Variants in DYNC1LI1 observed in about 807,000 individuals in gnomAD.
DYNC1LI1 encodes the protein dynein cytoplasmic 1 light intermediate chain 1, also known as cytoplasmic dynein 1 light intermediate chain 1.
DYNC1LI1 carries 19 observed loss-of-function variants against 63.8 expected under a neutral mutation model. The ratio of observed to expected loss-of-function variants is 0.30; its 90% CI spans 0.21 to 0.44. The LOEUF (loss-of-function observed/expected upper bound fraction) is 0.44. Among genes scored for constraint, DYNC1LI1 ranks in the 20% least tolerant of loss-of-function variants. The pLI, the probability that DYNC1LI1 is intolerant of heterozygous loss-of-function variation, is 1.00. For missense variants in DYNC1LI1, 565 were observed against 630.2 expected (o/e 0.90, Z 1.11); for synonymous variants, 225 against 232.3 (o/e 0.97, Z 0.28).
chr3:32,556,548 TTC>T (rs1331024751), intron 2 of DYNC1LI1, among the ~76,000 whole-genome samples: 14 of 152,252 alleles, frequency 9.2e-5, no homozygotes, highest in East Asian at 5.8e-4. Flanking sequence ...TCCTTCTTGT[TTC>T]TCTGTTTTGT....
chr3:32,570,534 C>T, intron 1 of DYNC1LI1, 91 bp downstream of exon 1: 1 of 1,494,200 alleles, frequency 6.7e-7, no homozygotes. Context: ...TGGCCGGGCC[C>T]GGCGCCGAGC....
intron 2 of DYNC1LI1, among the ~76,000 whole-genome samples, chr3:32,565,042 T>C (rs913779231): frequency 3.3e-5 from 5 of 152,214 alleles, no homozygotes; most frequent in African/African-American, 9.6e-5. Context: ...GTGGGACTTT[T>C]GGCTGCATAT....
At chr3:32,569,399 C>T (rs1162821445) in intron 2 of DYNC1LI1, among the ~76,000 whole-genome samples, 1 of 152,138 alleles carries the variant, frequency 6.6e-6, no homozygotes, top group East Asian at 1.9e-4. Context: ...AACCACGCAG[C>T]CTATCAAGTA....
chr3:32,538,019 A>T (rs1290532466), intron 5 of DYNC1LI1, among the ~76,000 whole-genome samples: 1 of 27,130 alleles, frequency 3.7e-5, no homozygotes, highest in Non-Finnish European at 5.3e-5. Flanking sequence ...ATATATATAT[A>T]TAATTTATAT....
At chr3:32,530,376 A>G in intron 9 of DYNC1LI1, 48 bp from the exon 10 acceptor site, 1 of 1,603,940 alleles carries the variant, frequency 6.2e-7, no homozygotes, top group Non-Finnish European at 8.5e-7. Flanking sequence ...TTCATAGCAT[A>G]TACTGGTGTA....
intron 2 of DYNC1LI1, among the ~76,000 whole-genome samples, chr3:32,557,107 T>A (rs1371190427): frequency 1.3e-5 from 2 of 152,196 alleles, no homozygotes; most frequent in Non-Finnish European, 2.9e-5. Flanking sequence ...CTGGACAGTG[T>A]TTGAAGATAC....
At chr3:32,549,200 T>C (rs904436426) in intron 2 of DYNC1LI1, among the ~76,000 whole-genome samples, 3 of 151,898 alleles carry the variant, frequency 2.0e-5, no homozygotes, top group African/African-American at 7.3e-5. Flanking sequence ...TAAATCAGTA[T>C]AGTTTCTACG....
chr3:32,569,982 A>G (rs985742449), intron 2 of DYNC1LI1, among the ~76,000 whole-genome samples: 1 of 152,224 alleles, frequency 6.6e-6, no homozygotes, highest in Non-Finnish European at 1.5e-5. Flanking sequence ...AGCTCTCGCA[A>G]AGAGCCTCCT....
chr3:32,533,335 T>C (rs1697727094), intron 7 of DYNC1LI1, among the ~76,000 whole-genome samples: 2 of 152,256 alleles, frequency 1.3e-5, no homozygotes, highest in South Asian at 4.1e-4. Context: ...TAGCTGGGCA[T>C]GCATGGTGGC....
At chr3:32,532,509 A>AT in intron 8 of DYNC1LI1, 2 of 149,086 alleles carry the variant, frequency 1.3e-5, no homozygotes, top group Admixed American at 1.3e-4. Flanking sequence ...ATATATATAA[A>AT]ATTGAAAGTT....
chr3:32,564,329 ACAAG>A (rs1385408674), intron 2 of DYNC1LI1, among the ~76,000 whole-genome samples: 15 of 152,154 alleles, frequency 9.9e-5, no homozygotes, highest in Admixed American at 4.6e-4. Context: ...AAACAAACAA[ACAAG>A]CAAACAAACA....
At chr3:32,551,265 A>T (rs1698034758) in intron 2 of DYNC1LI1, among the ~76,000 whole-genome samples, 1 of 152,210 alleles carries the variant, frequency 6.6e-6, no homozygotes, top group Admixed American at 6.5e-5. Flanking sequence ...GCTTTAGTCA[A>T]ATCTTGTACA....
intron 2 of DYNC1LI1, among the ~76,000 whole-genome samples, chr3:32,559,711 C>G (rs1698164547): frequency 6.6e-6 from 1 of 152,188 alleles, no homozygotes; most frequent in Admixed American, 6.5e-5. Context: ...TCCCCAGCAT[C>G]AGGAACATCA....
chr3:32,558,521 T>C (rs966834067), intron 2 of DYNC1LI1, among the ~76,000 whole-genome samples: 2 of 150,180 alleles, frequency 1.3e-5, no homozygotes, highest in African/African-American at 4.9e-5. Flanking sequence ...AACTCAACAA[T>C]AGAATGTAAT....
In DYNC1LI1 at chr3:32,545,802, G is replaced by A. The variant is rs769193982; in HGVS notation, c.337+47C>T. 4 of 1,280,090 alleles carry A rather than the reference G, an allele frequency of 3.1e-6. No homozygotes were observed. The South Asian group carries it at 4.8e-5, about 15-fold the overall frequency. 79.3% of individuals were successfully genotyped at this position (1,280,090 alleles called of 1,614,324 possible). On this transcript the variant is annotated intron_variant, in intron 3 of 12. Transcript: ENST00000273130. ...ATCAAAGACTAATGTGAATGGCAGT[G>A]CACCTCAAAATAGACTTCAGAAATT...
intron 6 of DYNC1LI1, among the ~76,000 whole-genome samples, chr3:32,536,425 A>T (rs571557673): frequency 1.3e-5 from 2 of 152,238 alleles, no homozygotes; most frequent in East Asian, 3.9e-4. Context: ...TTTTCTCCCT[A>T]TTTTAGCTGT....
chr3:32,538,180 T>C (rs1434500763), intron 5 of DYNC1LI1, among the ~76,000 whole-genome samples: 1 of 133,180 alleles, frequency 7.5e-6, no homozygotes, highest in East Asian at 2.1e-4. Flanking sequence ...GGCAGGAGGA[T>C]TGAGCCTAGG....
chr3:32,533,043 T>G lies in DYNC1LI1; in HGVS notation c.1023A>C (p.Gln341His), dbSNP rs1389056443. The G allele has an allele frequency of 6.2e-7, 1 of 1,604,886 alleles. No homozygotes were observed. The highest frequency in any genetic ancestry group is 8.5e-7 in the Non-Finnish European group (1 of 1,178,126). Residue 341 changes from glutamine (Q) to histidine (H), a missense_variant, in exon 8 of 13, where the codon CAA (glutamine) becomes CAC (histidine). Gln to His is a conservative substitution (Grantham distance 24, BLOSUM62 0). Transcript: ENST00000273130. ...KKIGILHENF[Q>H]TLKAEDNFED... The stretch of plus-strand genomic sequence containing the variant: ...CAAAATTATCTTCTGCTTTTAATGT[T>G]TGAAAATTTTCATGTAATATTCCTA...
intron 8 of DYNC1LI1, chr3:32,531,364 T>A (rs1229517247): frequency 2.6e-5 from 4 of 152,436 alleles, no homozygotes; most frequent in Non-Finnish European, 4.4e-5. Flanking sequence ...GCCTTCAGCA[T>A]TCTCCCCCCT....
Sources: gnomAD v4.1 joint callset for allele counts (sites outside exome capture counted in the v4.1 genomes callset) on GRCh38, gnomAD v4.1.1 for gene constraint, MANE v1.5 for transcripts, NCBI Gene and HGNC (gene_info 2026-07-23, HGNC 2026-07-21) for gene names.